EBPL: variants seen among roughly 807,000 people sequenced by gnomAD.
The protein encoded by EBPL is EBP like, also known as emopamil-binding protein-like.
Under a neutral mutation model 19.0 loss-of-function variants are expected in EBPL, and 20 were observed. That is an observed-to-expected ratio of 1.05 (90% CI 0.74 to 1.53). The LOEUF is 1.53. EBPL is among the 40% of genes most tolerant of loss of function. The probability of loss-of-function intolerance (pLI) is 0.00; values close to 1 mark genes in which losing one functional copy is unlikely to be tolerated. For missense variants in EBPL, 219 were observed against 261.1 expected (o/e 0.84, Z 1.11); for synonymous variants, 107 against 117.0 (o/e 0.91, Z 0.55).
chr13:49,669,667 G>A (rs1392546468), intron 2 of EBPL, 110 bp downstream of exon 2: 17 of 950,626 alleles, frequency 1.8e-5, no homozygotes, highest in Non-Finnish European at 2.8e-5. Context: ...CACCTATTCT[G>A]GACATTTCAT....
chr13:49,677,444 C>A (rs1279388039), intron 1 of EBPL, among the ~76,000 whole-genome samples: 1 of 152,200 alleles, frequency 6.6e-6, no homozygotes, highest in Non-Finnish European at 1.5e-5. Context: ...GACTGGCTGG[C>A]TCTTACCCTA....
chr13:49,683,163 C>T lies in EBPL; in HGVS notation c.171+8091G>A, dbSNP rs191371694. ...TAATTTTTTGCATTTTTAGTAGAGACGGGGTTTCATCATGTTGGCCAGGCT... is the reference window on the plus strand; with the variant it reads ...TAATTTTTTGCATTTTTAGTAGAGATGGGGTTTCATCATGTTGGCCAGGCT... On this transcript the variant is annotated intron_variant, in intron 1 of 3. Coordinates refer to ENST00000242827, the MANE Select transcript of EBPL (RefSeq NM_032565.5). Among the ~76,000 whole-genome samples the T allele has an allele frequency of 1.9e-3, 284 of 151,930 alleles. 2 individuals carry two copies. The highest frequency in any genetic ancestry group is 0.01 in the Middle Eastern group (3 of 290).
intron 1 of EBPL, among the ~76,000 whole-genome samples, chr13:49,690,173 C>CCA: frequency 1.0e-5 from 1 of 96,452 alleles, no homozygotes; most frequent in Admixed American, 1.2e-4. Context: ...AAAAAAAAGA[C>CCA]AAAAAAAAAA....
chr13:49,673,962 T>TACACACACACACACACACACACACACAC (rs56323070), intron 1 of EBPL, among the ~76,000 whole-genome samples: 2 of 143,268 alleles, frequency 1.4e-5, no homozygotes, highest in African/African-American at 2.6e-5. Flanking sequence ...TGGAACTTAA[T>TACACACACACACACACACACACACACAC]ACACACACAC....
At chr13:49,674,475 CTG>C (rs1378690712) in intron 1 of EBPL, among the ~76,000 whole-genome samples, 3 of 152,040 alleles carry the variant, frequency 2.0e-5, no homozygotes, top group Non-Finnish European at 2.9e-5. Flanking sequence ...CAAGGGACCT[CTG>C]TATTATTTCT....
At chr13:49,665,496 C>A (rs1594404588) in intron 2 of EBPL, among the ~76,000 whole-genome samples, 1 of 152,298 alleles carries the variant, frequency 6.6e-6, no homozygotes, top group East Asian at 1.9e-4. Flanking sequence ...GTCTTGAACT[C>A]CTGACCTCAG....
chr13:49,670,743 ATTAC>A (rs1435345714), intron 1 of EBPL, among the ~76,000 whole-genome samples: 1 of 152,102 alleles, frequency 6.6e-6, no homozygotes, highest in Non-Finnish European at 1.5e-5. Context: ...ATATTATTCT[ATTAC>A]TTACACAAAT....
chr13:49,671,922 C>T (rs754498944), intron 1 of EBPL, among the ~76,000 whole-genome samples: 3 of 152,208 alleles, frequency 2.0e-5, no homozygotes, highest in Non-Finnish European at 4.4e-5. Context: ...TATAACAAAT[C>T]CGTTTCCTTT....
chr13:49,669,065 C>T (rs1194225364), intron 2 of EBPL, among the ~76,000 whole-genome samples: 4 of 151,914 alleles, frequency 2.6e-5, no homozygotes, highest in African/African-American at 9.7e-5. Flanking sequence ...ATTTTTAGCA[C>T]AGACAGGATT....
chr13:49,669,609 CT>C, intron 2 of EBPL, among the ~76,000 whole-genome samples, 167 bp downstream of exon 2: 1 of 152,210 alleles, frequency 6.6e-6, no homozygotes, highest in Middle Eastern at 3.4e-3. Context: ...ACCCCCACCC[CT>C]ACCCTCATTC....
chr13:49,687,726 C>T lies in EBPL; in HGVS notation c.171+3528G>A, dbSNP rs532031648. On this transcript the variant is annotated intron_variant, in intron 1 of 3. Transcript: ENST00000242827. The stretch of plus-strand genomic sequence containing the variant: ...CTGGAGTTCCTTTCTTGTAACGCAT[C>T]CCACTGCATGTACAGGCAGTAACAT... Among the ~76,000 whole-genome samples the T allele has an allele frequency of 3.4e-4, 52 of 152,312 alleles. 2 individuals carry two copies. In the South Asian group the frequency reaches 8.5e-3, roughly 25 times the overall value.
chr13:49,660,981 T>G lies in EBPL; in HGVS notation c.608A>C (p.Lys203Thr), dbSNP rs150496327. The G allele has an allele frequency of 6.2e-7, 1 of 1,609,956 alleles. No individual in the cohort carries two copies. The highest frequency in any genetic ancestry group is 1.3e-5 in the African/African-American group (1 of 74,868). The change falls in exon 4 of 4, where the codon AAG becomes ACG. Residue 203 changes from lysine to threonine, a missense_variant. Physicochemically the swap from Lys to Thr is moderately conservative, Grantham distance 78 (BLOSUM62 -1). Coordinates refer to ENST00000242827, the MANE Select transcript of EBPL (RefSeq NM_032565.5). ...KMHQKETSSVKKFQ is the reference protein window; with the variant it reads ...KMHQKETSSVTKFQ ...GGTTTTGAAAGTTCACTGAAACTTC[T>G]TCACTGAACTGGTTTCTTTCTGATG...
At chr13:49,668,822 T>G (rs1953777013) in intron 2 of EBPL, among the ~76,000 whole-genome samples, 1 of 151,818 alleles carries the variant, frequency 6.6e-6, no homozygotes, top group East Asian at 1.9e-4. Flanking sequence ...ATATTAAAAG[T>G]ATGGGAAAAC....
chr13:49,667,206 A>G (rs1187247392), intron 2 of EBPL, among the ~76,000 whole-genome samples: 1 of 152,218 alleles, frequency 6.6e-6, no homozygotes, highest in African/African-American at 2.4e-5. Context: ...CTAAACTTTA[A>G]CCATCTCTTT....
chr13:49,686,999 G>T (rs1954006034), intron 1 of EBPL, among the ~76,000 whole-genome samples: 1 of 152,026 alleles, frequency 6.6e-6, no homozygotes, highest in Non-Finnish European at 1.5e-5. Context: ...TGTTAGCAAG[G>T]CCTCACTATG....
At chr13:49,663,633 A>G (rs1458965702) in intron 2 of EBPL, among the ~76,000 whole-genome samples, 1 of 152,216 alleles carries the variant, frequency 6.6e-6, no homozygotes, top group Non-Finnish European at 1.5e-5. Context: ...TATGAAGGAC[A>G]TGTTTATAAA....
At chr13:49,668,442 C>T (rs774513543) in intron 2 of EBPL, 108 of 232,402 alleles carry the variant, frequency 4.6e-4, no homozygotes, top group East Asian at 5.1e-4. Context: ...GGCGTGGTGG[C>T]GGGCGCCTGT....
intron 1 of EBPL, among the ~76,000 whole-genome samples, chr13:49,677,060 T>A (rs1953884233): frequency 1.3e-5 from 2 of 152,216 alleles, no homozygotes. Flanking sequence ...GGTGGGTCAG[T>A]GTGCACTGGC....
chr13:49,691,436 C>A lies in EBPL; in HGVS notation c.-12G>T. The A allele has an allele frequency of 7.5e-7, 1 of 1,333,748 alleles. No individual in the cohort carries two copies. The allele number at this position is 1,333,748 out of a possible 1,614,324, so 82.6% of individuals were successfully genotyped here. On this transcript the variant is annotated 5_prime_UTR_variant, in exon 1 of 4. Transcript: ENST00000242827. Reference sequence around the variant, plus strand: ...CACTCAGCGCCCATGCTTCAGGCTTCCGACGCCAACGGCCCAGGACCATGC... The same window carrying A: ...CACTCAGCGCCCATGCTTCAGGCTTACGACGCCAACGGCCCAGGACCATGC...
Sources: allele counts gnomAD v4.1 joint callset (sites outside exome capture counted in the v4.1 genomes callset), GRCh38; gene constraint gnomAD v4.1.1; transcripts MANE v1.5; gene names NCBI Gene and HGNC (gene_info 2026-07-23, HGNC 2026-07-21).